Variants in KLRG1 observed in about 807,000 individuals in gnomAD.
The protein encoded by KLRG1 is killer cell lectin-like receptor subfamily G member 1.
KLRG1 carries 16 observed loss-of-function variants against 21.8 expected under a neutral mutation model. The ratio of observed to expected loss-of-function variants is 0.73; its 90% confidence interval spans 0.50 to 1.11. The LOEUF is 1.11. KLRG1 is among the 50% of genes most tolerant of loss of function. The pLI, the probability that KLRG1 is intolerant of heterozygous loss-of-function variation, is 0.00. For missense variants in KLRG1, 173 were observed against 218.3 expected, an observed-to-expected ratio of 0.79 and a Z score of 1.31; for synonymous variants, 69 against 75.9, an observed-to-expected ratio of 0.91 and a Z score of 0.47.
chr12:9,201,450 G>T, the KLRG1 span: 1 of 873,478 alleles, frequency 1.1e-6, no homozygotes, highest in Non-Finnish European at 1.8e-6. Flanking sequence ...ATTATCTGTA[G>T]CTAAATTCAA....
the KLRG1 span, among the ~76,000 whole-genome samples, chr12:9,163,949 G>A: frequency 6.6e-6 from 1 of 152,178 alleles, no homozygotes; most frequent in African/African-American, 2.4e-5. Flanking sequence ...GTCCAAGATA[G>A]TGATTCTGGG....
At chr12:9,029,059 C>A in the KLRG1 span, 4 of 533,534 alleles carry the variant, frequency 7.5e-6, no homozygotes, top group Admixed American at 2.5e-5. Flanking sequence ...CTCCGCTGGT[C>A]AGGCTCTTTA....
the KLRG1 span, chr12:9,098,763 A>G: frequency 6.2e-7 from 1 of 1,611,902 alleles, no homozygotes; most frequent in Non-Finnish European, 8.5e-7. Flanking sequence ...CCACCTGTGA[A>G]ATTGGAACAA....
chr12:8,974,254 G>A (rs778586508), intron 1 of KLRG1, among the ~76,000 whole-genome samples: 5 of 151,400 alleles, frequency 3.3e-5, no homozygotes, highest in African/African-American at 9.7e-5. Context: ...TGCAAGCTCC[G>A]CCTCCCGGGT....
chr12:9,152,074 A>G, the KLRG1 span: 10 of 678,418 alleles, frequency 1.5e-5, no homozygotes, highest in Admixed American at 2.3e-4. Flanking sequence ...ACGGCCAACT[A>G]AATAGTTCAT....
At chr12:9,048,672 A>G in the KLRG1 span, among the ~76,000 whole-genome samples, 1 of 152,352 alleles carries the variant, frequency 6.6e-6, no homozygotes, top group South Asian at 2.1e-4. Context: ...ATTCTGGATA[A>G]AAACTCTCCA....
At chr12:9,037,487 G>A in the KLRG1 span, among the ~76,000 whole-genome samples, 1 of 152,068 alleles carries the variant, frequency 6.6e-6, no homozygotes, top group Non-Finnish European at 1.5e-5. Context: ...ACTGTTAAAT[G>A]CACTACCCAC....
At chr12:8,970,911 T>C (rs1312023442) in intron 1 of KLRG1, among the ~76,000 whole-genome samples, 1 of 152,256 alleles carries the variant, frequency 6.6e-6, no homozygotes, top group African/African-American at 2.4e-5. Context: ...CAAAGTACAT[T>C]GATTGCTTTT....
At chr12:9,090,154 T>C in the KLRG1 span, 31 of 1,397,872 alleles carry the variant, frequency 2.2e-5, no homozygotes, top group Non-Finnish European at 2.7e-5. Context: ...AACGGAAACA[T>C]GCAAATGAGA....
the KLRG1 span, among the ~76,000 whole-genome samples, chr12:9,111,698 T>A: frequency 6.6e-6 from 1 of 152,304 alleles, no homozygotes; most frequent in East Asian, 1.9e-4. Flanking sequence ...TTTGGGTTGA[T>A]GTCTGCATTA....
chr12:9,126,835 C>T, the KLRG1 span, among the ~76,000 whole-genome samples: 15,018 of 152,238 alleles, frequency 0.099, 939 homozygotes, highest in African/African-American at 0.17. Flanking sequence ...TTTTACTCAC[C>T]TGTCCATTTA....
the KLRG1 span, among the ~76,000 whole-genome samples, chr12:9,132,278 TTCTGTTATTTATTGCCAGAGGGA>T: frequency 6.6e-6 from 1 of 152,240 alleles, no homozygotes; most frequent in South Asian, 2.1e-4. Context: ...CTAGTTGCTT[TTCTGTTATTTATTGCCAGAGGGA>T]TTCCAGCTGA....
At chr12:9,156,292 A>G in the KLRG1 span, 1 of 212,898 alleles carries the variant, frequency 4.7e-6, no homozygotes, top group Non-Finnish European at 1.0e-5. Flanking sequence ...CATCTCCACC[A>G]ATAAGCGAGT....
At chr12:9,106,542 C>A in the KLRG1 span, 9 of 1,598,332 alleles carry the variant, frequency 5.6e-6, no homozygotes, top group Non-Finnish European at 7.7e-6. Context: ...ATTTCATACT[C>A]CTTCCTCTTC....
At chr12:9,040,956 C>G in the KLRG1 span, among the ~76,000 whole-genome samples, 1 of 152,228 alleles carries the variant, frequency 6.6e-6, no homozygotes, top group Non-Finnish European at 1.5e-5. Flanking sequence ...CCACTGCCCA[C>G]CTGACAGCAG....
chr12:9,159,512 A>T, the KLRG1 span, among the ~76,000 whole-genome samples: 1 of 152,176 alleles, frequency 6.6e-6, no homozygotes, highest in African/African-American at 2.4e-5. Context: ...TGATTGGCTC[A>T]TGAGGGTTCT....
At chr12:9,152,591 A>G in the KLRG1 span, among the ~76,000 whole-genome samples, 6 of 152,182 alleles carry the variant, frequency 3.9e-5, no homozygotes, top group Non-Finnish European at 7.3e-5. Context: ...TAACATATCT[A>G]TGGTTTTTGC....
intron 1 of KLRG1, among the ~76,000 whole-genome samples, chr12:8,963,158 T>G (rs988009161): frequency 1.3e-5 from 2 of 152,154 alleles, no homozygotes; most frequent in Middle Eastern, 3.2e-3. Flanking sequence ...CCTGTCAACC[T>G]AGAGTTCTAT....
At chr12:9,197,830 T>C in the KLRG1 span, among the ~76,000 whole-genome samples, 1 of 68,966 alleles carries the variant, frequency 1.4e-5, no homozygotes, top group African/African-American at 5.6e-5. Flanking sequence ...AATTATATAT[T>C]ATACAATATA....
Sources: allele counts gnomAD v4.1 joint callset (sites outside exome capture counted in the v4.1 genomes callset), GRCh38; gene constraint gnomAD v4.1.1; transcripts MANE v1.5; gene names NCBI Gene and HGNC (gene_info 2026-07-23, HGNC 2026-07-21).